The following TMEM178A variants were observed in gnomAD, a reference collection of about 807,000 sequenced individuals.
TMEM178A encodes transmembrane protein 178A, also known as transmembrane protein 178.
TMEM178A carries 12 observed loss-of-function variants against 29.1 expected under a neutral mutation model. The ratio of observed to expected loss-of-function variants is 0.41; its 90% CI spans 0.26 to 0.67. The LOEUF (loss-of-function observed/expected upper bound fraction) is 0.67. Ranked by LOEUF, TMEM178A falls within the 30% of genes least tolerant of loss-of-function variation. The pLI, the probability that TMEM178A is intolerant of heterozygous loss-of-function variation, is 0.29. For synonymous variants in TMEM178A, 210 were observed against 187.2 expected (o/e 1.12, Z -0.99); for missense variants, 366 against 419.1 (o/e 0.87, Z 1.11).
intron 3 of TMEM178A, among the ~76,000 whole-genome samples, chr2:39,712,823 C>T (rs942894245): frequency 7.9e-5 from 12 of 152,232 alleles, no homozygotes; most frequent in Non-Finnish European, 2.9e-5. Flanking sequence ...TTTGAACTTT[C>T]TGAATGCAGA....
At chr2:39,715,902 G>A (rs139412651) in intron 3 of TMEM178A, among the ~76,000 whole-genome samples, 2 of 152,144 alleles carry the variant, frequency 1.3e-5, no homozygotes, top group African/African-American at 4.8e-5. Context: ...GGTAGAGGGC[G>A]GGGAGCTTTG....
the TMEM178A span, among the ~76,000 whole-genome samples, chr2:39,723,180 T>C: frequency 9.9e-5 from 15 of 152,254 alleles, no homozygotes; most frequent in African/African-American, 3.6e-4. Context: ...AAATACTTGC[T>C]TTAGAAACCT....
intron 1 of TMEM178A, among the ~76,000 whole-genome samples, chr2:39,695,284 G>C (rs1369744824): frequency 6.6e-6 from 1 of 152,038 alleles, no homozygotes; most frequent in Admixed American, 6.6e-5. Flanking sequence ...CTTTCTGCTA[G>C]AGAACCTTAA....
the TMEM178A span, among the ~76,000 whole-genome samples, chr2:39,724,675 C>G: frequency 3.3e-5 from 5 of 152,200 alleles, no homozygotes; most frequent in South Asian, 2.1e-4. Flanking sequence ...ATAACCAAAC[C>G]AAAACAAACC....
At chr2:39,720,061 G>A (rs1672672294), downstream of TMEM178A, among the ~76,000 whole-genome samples, 1 of 151,924 alleles carries the variant, frequency 6.6e-6, no homozygotes, top group Admixed American at 6.6e-5. Context: ...ACTCTTTTTG[G>A]CCCTAAATTG....
At chr2:39,720,214 T>C (rs995754976), downstream of TMEM178A, among the ~76,000 whole-genome samples, 21 of 152,306 alleles carry the variant, frequency 1.4e-4, no homozygotes, top group African/African-American at 5.1e-4. Context: ...TACTAACTTT[T>C]TGCAAGGGCC....
At chr2:39,729,566 C>T in the TMEM178A span, among the ~76,000 whole-genome samples, 5 of 152,282 alleles carry the variant, frequency 3.3e-5, no homozygotes, top group East Asian at 1.9e-4. Context: ...AACCAATATT[C>T]GCATGTAAAA....
the TMEM178A span, among the ~76,000 whole-genome samples, chr2:39,724,053 T>C: frequency 6.6e-6 from 1 of 152,196 alleles, no homozygotes; most frequent in Admixed American, 6.5e-5. Context: ...ACAGAATCTC[T>C]CCTTACGTGA....
intron 3 of TMEM178A, among the ~76,000 whole-genome samples, chr2:39,711,357 C>T (rs1198975200): frequency 6.6e-6 from 1 of 152,154 alleles, no homozygotes; most frequent in African/African-American, 2.4e-5. Flanking sequence ...TTTTAAAACA[C>T]TTTTTAAGGT....
chr2:39,681,210 A>T (rs916788457), intron 1 of TMEM178A, among the ~76,000 whole-genome samples: 1 of 152,114 alleles, frequency 6.6e-6, no homozygotes, highest in East Asian at 1.9e-4. Flanking sequence ...CTGCTACTCA[A>T]CCTCTGATGC....
rs960075822 is a variant in TMEM178A, at chr2:39,668,688, T to C, written c.400+2314T>C. Among the ~76,000 whole-genome samples, 3 of 152,196 alleles carry C rather than the reference T, an allele frequency of 2.0e-5. No homozygotes were observed. The East Asian group carries it at 5.8e-4, about 29-fold the overall frequency. ...GGAGGAAAGAACAGGCATTGGTAGA[T>C]TATAGGATCATAATTTGTTGTTTGG... On this transcript the variant is annotated intron_variant, in intron 1 of 3. Coordinates refer to ENST00000281961, the MANE Select transcript of TMEM178A (RefSeq NM_152390.3).
chr2:39,678,456 T>TG (rs1312385025), intron 1 of TMEM178A, among the ~76,000 whole-genome samples: 5 of 152,178 alleles, frequency 3.3e-5, no homozygotes, highest in Admixed American at 6.5e-5. Flanking sequence ...AAAAACACTA[T>TG]GCTCGGTGAA....
intron 1 of TMEM178A, among the ~76,000 whole-genome samples, chr2:39,686,817 G>A (rs1275694448): frequency 6.6e-6 from 1 of 152,184 alleles, no homozygotes; most frequent in Non-Finnish European, 1.5e-5. Flanking sequence ...TTTAAGGGAT[G>A]CTTAGGAAAA....
chr2:39,677,285 T>G (rs1357755567), intron 1 of TMEM178A, among the ~76,000 whole-genome samples: 1 of 152,152 alleles, frequency 6.6e-6, no homozygotes, highest in Admixed American at 6.5e-5. Context: ...CAAGCCAGGC[T>G]ATGACTTTTT....
chr2:39,694,978 C>A (rs1303219494), intron 1 of TMEM178A, among the ~76,000 whole-genome samples: 2 of 152,152 alleles, frequency 1.3e-5, no homozygotes, highest in Non-Finnish European at 2.9e-5. Context: ...TGTTAAGCCC[C>A]TAAACTTACT....
At chr2:39,734,926 T>C in the TMEM178A span, among the ~76,000 whole-genome samples, 1 of 152,192 alleles carries the variant, frequency 6.6e-6, no homozygotes, top group Non-Finnish European at 1.5e-5. Flanking sequence ...ATGTGCCTCC[T>C]ACCAACACGA....
downstream of TMEM178A, among the ~76,000 whole-genome samples, chr2:39,718,637 T>C (rs1672637528): frequency 6.6e-6 from 1 of 152,220 alleles, no homozygotes; most frequent in Non-Finnish European, 1.5e-5. Context: ...AGTGCTGTTA[T>C]TTTATGTTAC....
At chr2:39,730,438 G>A in the TMEM178A span, among the ~76,000 whole-genome samples, 1 of 151,834 alleles carries the variant, frequency 6.6e-6, no homozygotes, top group Admixed American at 6.6e-5. Flanking sequence ...CACTAGGTCC[G>A]TCAAGTTTCC....
At chr2:39,735,924 T>C in the TMEM178A span, 2 of 152,228 alleles carry the variant, frequency 1.3e-5, no homozygotes, top group Non-Finnish European at 2.9e-5. Flanking sequence ...ACAGATTTTA[T>C]GACTTCTGCT....
Sources: gnomAD v4.1 joint callset for allele counts (sites outside exome capture counted in the v4.1 genomes callset) on GRCh38, gnomAD v4.1.1 for gene constraint, MANE v1.5 for transcripts, NCBI Gene and HGNC (gene_info 2026-07-23, HGNC 2026-07-21) for gene names.